The following CCDC102B variants were observed in gnomAD, a reference collection of about 807,000 sequenced individuals.
CCDC102B encodes the protein coiled-coil domain containing 102B.
CCDC102B carries 75 observed loss-of-function variants against 57.4 expected under a neutral mutation model. The observed-to-expected ratio is 1.31, with a 90% CI of 1.08 to 1.58. The LOEUF is 1.58. Ranked by LOEUF, CCDC102B falls within the 40% of genes most tolerant of loss-of-function variation. The pLI, the probability that CCDC102B is intolerant of heterozygous loss-of-function variation, is 0.00. For synonymous variants in CCDC102B, 206 were observed against 201.9 expected (o/e 1.02, Z -0.17); for missense variants, 636 against 582.6 (o/e 1.09, Z -0.94).
intron 6 of CCDC102B, among the ~76,000 whole-genome samples, chr18:68,911,011 G>A (rs1417115247): frequency 6.6e-6 from 1 of 152,020 alleles, no homozygotes; most frequent in East Asian, 1.9e-4. Flanking sequence ...TTCAACTGTT[G>A]TGGAAAGCAG....
chr18:68,741,181 C>A (rs1463888324), intron 2 of CCDC102B, among the ~76,000 whole-genome samples: 5 of 152,134 alleles, frequency 3.3e-5, no homozygotes, highest in South Asian at 2.1e-4. Context: ...GAGCTTATGG[C>A]AGCTTTACTT....
intron 2 of CCDC102B, among the ~76,000 whole-genome samples, chr18:68,784,520 A>G (rs2144642263): frequency 6.6e-6 from 1 of 152,300 alleles, no homozygotes; most frequent in East Asian, 1.9e-4. Flanking sequence ...CATACCAGCC[A>G]TCAAACCTGG....
intron 5 of CCDC102B, among the ~76,000 whole-genome samples, chr18:68,892,696 C>CA (rs1368948858): frequency 2.6e-5 from 4 of 152,056 alleles, no homozygotes; most frequent in African/African-American, 4.8e-5. Flanking sequence ...GTATTGATTA[C>CA]AAAAAATTAC....
intron 2 of CCDC102B, among the ~76,000 whole-genome samples, chr18:68,760,288 C>T (rs751490312): frequency 6.6e-6 from 1 of 152,040 alleles, no homozygotes; most frequent in Non-Finnish European, 1.5e-5. Flanking sequence ...ACAAAATTCA[C>T]ACCCCAACGA....
chr18:68,716,159 G>A (rs923445418), intron 1 of CCDC102B, among the ~76,000 whole-genome samples: 1 of 151,278 alleles, frequency 6.6e-6, no homozygotes, highest in East Asian at 1.9e-4. Flanking sequence ...AAACGTAAGG[G>A]GACTGTTGAA....
chr18:68,929,464 T>C (rs1173068319), intron 6 of CCDC102B, among the ~76,000 whole-genome samples: 1 of 152,004 alleles, frequency 6.6e-6, no homozygotes, highest in East Asian at 1.9e-4. Flanking sequence ...ATGGCTTTTA[T>C]GGCAGCCCCT....
intron 6 of CCDC102B, among the ~76,000 whole-genome samples, chr18:68,982,946 G>A (rs2050630659): frequency 6.6e-6 from 1 of 151,734 alleles, no homozygotes; most frequent in Admixed American, 6.6e-5. Flanking sequence ...TCTGTGAAGA[G>A]AAAATTTTAT....
chr18:68,911,308 A>G (rs1017018974), intron 6 of CCDC102B, among the ~76,000 whole-genome samples: 3 of 152,228 alleles, frequency 2.0e-5, no homozygotes, highest in African/African-American at 7.2e-5. Context: ...TGTGGAGGCT[A>G]TTATCTTTAG....
At chr18:68,950,989 A>G (rs1264198476) in intron 6 of CCDC102B, among the ~76,000 whole-genome samples, 4 of 152,156 alleles carry the variant, frequency 2.6e-5, no homozygotes, top group Non-Finnish European at 4.4e-5. Context: ...ATTACTGGAA[A>G]TGTAAATATA....
intron 2 of CCDC102B, among the ~76,000 whole-genome samples, chr18:68,773,686 A>G (rs753528664): frequency 6.6e-6 from 1 of 152,004 alleles, no homozygotes; most frequent in Non-Finnish European, 1.5e-5. Flanking sequence ...TATATTACTT[A>G]TTGGCTATCA....
chr18:68,847,924 A>T (rs1314111486), intron 4 of CCDC102B, among the ~76,000 whole-genome samples: 2 of 151,726 alleles, frequency 1.3e-5, no homozygotes, highest in African/African-American at 2.4e-5. Context: ...AAATTTTTTA[A>T]AAATATGTCT....
chr18:68,884,207 G>A (rs886246118), intron 5 of CCDC102B, among the ~76,000 whole-genome samples: 6 of 152,154 alleles, frequency 3.9e-5, no homozygotes, highest in Middle Eastern at 3.4e-3. Flanking sequence ...TTAAGATACA[G>A]CACTCCCACG....
intron 7 of CCDC102B, among the ~76,000 whole-genome samples, chr18:69,015,712 A>C (rs1432807210): frequency 1.3e-5 from 2 of 152,162 alleles, no homozygotes; most frequent in African/African-American, 4.8e-5. Context: ...ATAAACAAAG[A>C]ATTTCTTTTT....
intron 6 of CCDC102B, among the ~76,000 whole-genome samples, chr18:68,970,652 A>G (rs188925208): frequency 6.6e-6 from 1 of 151,766 alleles, no homozygotes; most frequent in East Asian, 1.9e-4. Context: ...ATAACTTTAT[A>G]TTTGTTTCTA....
chr18:68,958,576 C>T (rs1160143803), intron 6 of CCDC102B, among the ~76,000 whole-genome samples: 1 of 152,116 alleles, frequency 6.6e-6, no homozygotes, highest in Non-Finnish European at 1.5e-5. Flanking sequence ...TTTATTATCT[C>T]TTTGAATAAA....
At chr18:68,810,649 C>T (rs957147196) in intron 1 of CCDC102B, among the ~76,000 whole-genome samples, 2 of 134,536 alleles carry the variant, frequency 1.5e-5, no homozygotes, top group Non-Finnish European at 3.2e-5. Context: ...TTTAGAGAGA[C>T]GGTTTTGAAA....
chr18:68,782,507 G>A (rs541880825), intron 2 of CCDC102B, among the ~76,000 whole-genome samples: 3 of 152,230 alleles, frequency 2.0e-5, no homozygotes, highest in South Asian at 2.1e-4. Context: ...TAATTGCACT[G>A]CATATTTCTT....
intron 6 of CCDC102B, among the ~76,000 whole-genome samples, chr18:68,977,432 C>G (rs1004676049): frequency 2.6e-5 from 4 of 151,836 alleles, no homozygotes; most frequent in African/African-American, 9.7e-5. Flanking sequence ...CATGCCCTGA[C>G]AGGCCCCAGT....
chr18:68,807,995 G>T (rs192401828), intron 1 of CCDC102B, among the ~76,000 whole-genome samples: 1 of 152,144 alleles, frequency 6.6e-6, no homozygotes, highest in Admixed American at 6.6e-5. Context: ...ACTAATCTTC[G>T]AATCAAAAGC....
Sources: gnomAD v4.1 joint callset for allele counts (sites outside exome capture counted in the v4.1 genomes callset) on GRCh38, gnomAD v4.1.1 for gene constraint, MANE v1.5 for transcripts, NCBI Gene and HGNC (gene_info 2026-07-23, HGNC 2026-07-21) for gene names.